Variants in CATSPERE observed in about 807,000 individuals in gnomAD.
The protein encoded by CATSPERE is catsper channel auxiliary subunit epsilon.
CATSPERE carries 93 observed loss-of-function variants against 114.1 expected under a neutral mutation model. That is an observed-to-expected ratio of 0.81 (90% CI 0.69 to 0.97). The LOEUF (loss-of-function observed/expected upper bound fraction) is 0.97, where lower values mean the gene tolerates loss of function less well. CATSPERE is among the 50% of genes least tolerant of loss of function. The probability of loss-of-function intolerance (pLI) is 0.00; values close to 1 mark genes in which losing one functional copy is unlikely to be tolerated. For synonymous variants in CATSPERE, 341 were observed against 384.1 expected (o/e 0.89, Z 1.31); for missense variants, 1,058 against 1,131.6 (o/e 0.93, Z 0.93).
chr1:244,510,607 A>T (rs189003550), intron 7 of CATSPERE, among the ~76,000 whole-genome samples: 149 of 152,276 alleles, frequency 9.8e-4, no homozygotes, highest in African/African-American at 3.5e-3. Flanking sequence ...AATGTTTTGT[A>T]AATGTCTGTT....
Position 244,640,422 on chromosome 1 carries a change from A to G in CATSPERE, c.*341A>G, listed in dbSNP as rs2148768581. 1.2e-5 allele frequency: 2 copies of G among 165,464 alleles called. No homozygotes were observed. Among genetic ancestry groups the G allele is most frequent in the Non-Finnish European group, 2.6e-5 (2 of 77,162 alleles). The allele number at this position is 165,464 out of a possible 1,614,324, so 10.2% of individuals were successfully genotyped here. A position where few individuals can be genotyped will look rare whatever the true frequency, so the allele number is the denominator to read the frequency against. On this transcript the variant is annotated 3_prime_UTR_variant, in exon 22 of 22. Coordinates refer to ENST00000366534, the MANE Select transcript of CATSPERE (RefSeq NM_001130957.2). ...ATCTATGTGTCAAGTATCATTTTGC[A>G]TGAAACTTTTCACATGAAACCTTAT...
intron 18 of CATSPERE, among the ~76,000 whole-genome samples, chr1:244,606,292 T>C (rs748816442): frequency 2.0e-5 from 3 of 152,150 alleles, no homozygotes; most frequent in Non-Finnish European, 4.4e-5. Context: ...TCCTTTCACT[T>C]TGTAGGCCGC....
At chr1:244,531,460 G>T (rs1241782319) in intron 8 of CATSPERE, among the ~76,000 whole-genome samples, 1 of 151,974 alleles carries the variant, frequency 6.6e-6, no homozygotes, top group African/African-American at 2.4e-5. Flanking sequence ...ACTAACTGTG[G>T]ATCTATCATA....
intron 5 of CATSPERE, among the ~76,000 whole-genome samples, chr1:244,484,672 T>A (rs1446139178): frequency 6.6e-6 from 1 of 152,242 alleles, no homozygotes; most frequent in East Asian, 1.9e-4. Flanking sequence ...TGTTTATCCT[T>A]CATATTGGAC....
intron 4 of CATSPERE, among the ~76,000 whole-genome samples, chr1:244,478,318 A>T (rs932785859): frequency 3.9e-5 from 6 of 152,202 alleles, no homozygotes; most frequent in African/African-American, 1.4e-4. Context: ...ATTAAGAGTA[A>T]TTTCTAGCAG....
At chr1:244,487,507 C>T (rs538717566) in intron 5 of CATSPERE, among the ~76,000 whole-genome samples, 6 of 152,236 alleles carry the variant, frequency 3.9e-5, no homozygotes, top group African/African-American at 1.2e-4. Context: ...AGGTTTACTC[C>T]TGCCAAGATG....
chr1:244,593,934 A>C (rs1668048432), intron 17 of CATSPERE, among the ~76,000 whole-genome samples: 1 of 152,228 alleles, frequency 6.6e-6, no homozygotes. Flanking sequence ...TCCACAAGCC[A>C]ATAATAAATG....
chr1:244,591,883 G>A, intron 15 of CATSPERE, 152 bp downstream of exon 15: 1 of 532,228 alleles, frequency 1.9e-6, no homozygotes, highest in Non-Finnish European at 3.4e-6. Context: ...ATGTGTAGAT[G>A]GTATAATTAA....
At chr1:244,630,269 T>C (rs1339928497) in intron 20 of CATSPERE, among the ~76,000 whole-genome samples, 2 of 152,174 alleles carry the variant, frequency 1.3e-5, no homozygotes, top group African/African-American at 4.8e-5. Context: ...TATCAGAGTG[T>C]TGAGGGATGG....
intron 2 of CATSPERE, among the ~76,000 whole-genome samples, chr1:244,474,421 A>C (rs2148130614): frequency 1.3e-5 from 2 of 151,916 alleles, no homozygotes; most frequent in South Asian, 4.2e-4. Flanking sequence ...TTCTATTTTC[A>C]ATGATCTTCT....
At chr1:244,498,569 TG>T (rs996112727) in intron 6 of CATSPERE, among the ~76,000 whole-genome samples, 3 of 151,938 alleles carry the variant, frequency 2.0e-5, no homozygotes, top group Admixed American at 6.6e-5. Flanking sequence ...AGTATGTGAG[TG>T]GGGGGGTGAG....
chr1:244,635,708 A>G (rs1405907943), intron 21 of CATSPERE, among the ~76,000 whole-genome samples, 166 bp downstream of exon 21: 2 of 152,200 alleles, frequency 1.3e-5, no homozygotes, highest in Non-Finnish European at 2.9e-5. Context: ...ATTATACAGT[A>G]TATAATGCAA....
chr1:244,499,446 T>C (rs1465353900), intron 7 of CATSPERE, among the ~76,000 whole-genome samples: 2 of 152,118 alleles, frequency 1.3e-5, no homozygotes, highest in Non-Finnish European at 2.9e-5. Flanking sequence ...ATCTAGGTTT[T>C]CAGCCCTGTA....
At chr1:244,457,091 G>T (rs1363904973), upstream of CATSPERE, among the ~76,000 whole-genome samples, 1 of 152,192 alleles carries the variant, frequency 6.6e-6, no homozygotes, top group African/African-American at 2.4e-5. Flanking sequence ...GGTTTGTAAA[G>T]GGTGAATCTA....
Position 244,492,643 on chromosome 1 carries a change from G to A in CATSPERE, c.351+2172G>A, listed in dbSNP as rs527461116. On this transcript the variant is annotated intron_variant, in intron 6 of 21. Transcript: ENST00000366534. ...CAAAGGGTATTAAATTGGGAAAAGA[G>A]GAAGTCAAATTGTCCCTGTTTGCAG... is the stretch of plus-strand genomic sequence containing the variant. Among the ~76,000 whole-genome samples the A allele has an allele frequency of 4.9e-4, 75 of 152,256 alleles. 1 individual carries two copies. The highest frequency in any genetic ancestry group is 3.0e-3 in the Admixed American group (46 of 15,288).
At chr1:244,550,021 G>C (rs1660366422) in intron 8 of CATSPERE, among the ~76,000 whole-genome samples, 1 of 152,142 alleles carries the variant, frequency 6.6e-6, no homozygotes, top group Non-Finnish European at 1.5e-5. Context: ...CTCAGACATT[G>C]GCATTCCTGC....
In CATSPERE at chr1:244,560,789, C is replaced by T. The variant is rs867029453; in HGVS notation, c.1151C>T (p.Ser384Leu). Residue 384 changes from serine to leucine, a missense_variant, in exon 10 of 22, where the codon TCG becomes TTG. Around this residue, in one of 2 missense-constraint regions of CATSPERE, gnomAD observed 787 missense variants for 905.6 expected, o/e 0.87. Coordinates refer to ENST00000366534, the MANE Select transcript of CATSPERE (RefSeq NM_001130957.2). ...TTELKNILSL[S>L]VTATLTIDRV... is the part of the protein sequence containing the mutation. ...GAACTGAAAAACATCCTAAGTCTATCGGTGACTGCTACTCTGACCATAGAC... is the reference window on the plus strand; with the variant it reads ...GAACTGAAAAACATCCTAAGTCTATTGGTGACTGCTACTCTGACCATAGAC... 3.7e-6 allele frequency: 6 copies of T among 1,613,748 alleles called. No homozygotes were observed. Among genetic ancestry groups the T allele is most frequent in the Middle Eastern group, 1.6e-4 (1 of 6,084 alleles).
chr1:244,600,357 CAAAAAAA>C (rs34923679), intron 17 of CATSPERE, among the ~76,000 whole-genome samples: 3 of 94,014 alleles, frequency 3.2e-5, no homozygotes, highest in African/African-American at 1.0e-4. Flanking sequence ...CTACCTAGTC[CAAAAAAA>C]AAAAAAAAGA....
At chr1:244,541,468 C>T (rs770899507) in intron 8 of CATSPERE, among the ~76,000 whole-genome samples, 6,636 of 148,820 alleles carry the variant, frequency 0.045, 192 homozygotes, top group Non-Finnish European at 0.063. Context: ...TACCATCTCA[C>T]ACCAGTTAGA....
Sources: allele counts gnomAD v4.1 joint callset (sites outside exome capture counted in the v4.1 genomes callset), GRCh38; gene constraint gnomAD v4.1.1; regional missense constraint gnomAD v4.1.1; transcripts MANE v1.5; gene names NCBI Gene and HGNC (gene_info 2026-07-23, HGNC 2026-07-21).